The following CNTNAP2 variants were observed in gnomAD, a reference collection of about 807,000 sequenced individuals.
The protein encoded by CNTNAP2 is contactin associated protein 2.
A neutral mutation model predicts 155.2 loss-of-function variants in CNTNAP2; 98 were observed. The observed-to-expected ratio is 0.63, with a 90% confidence interval of 0.54 to 0.75. The LOEUF is 0.75. Ranked by LOEUF, CNTNAP2 falls within the 30% of genes least tolerant of loss-of-function variation. The pLI, the probability that CNTNAP2 is intolerant of heterozygous loss-of-function variation, is 0.00. For synonymous variants in CNTNAP2, 651 were observed against 631.2 expected (o/e 1.03, Z -0.47); for missense variants, 1,727 against 1,688.1 (o/e 1.02, Z -0.40).
At chr7:148,395,696 A>G (rs1799451705) in intron 22 of CNTNAP2, among the ~76,000 whole-genome samples, 1 of 152,136 alleles carries the variant, frequency 6.6e-6, no homozygotes, top group Non-Finnish European at 1.5e-5. Context: ...CTCACAGGCC[A>G]TCCTCTGTGT....
chr7:147,005,634 G>T (rs1387263941), intron 3 of CNTNAP2, among the ~76,000 whole-genome samples: 1 of 151,994 alleles, frequency 6.6e-6, no homozygotes, highest in Non-Finnish European at 1.5e-5. Flanking sequence ...AGGTGACCAA[G>T]AAAAGTATGG....
chr7:146,398,735 C>G (rs942486914), intron 1 of CNTNAP2, among the ~76,000 whole-genome samples: 1 of 151,952 alleles, frequency 6.6e-6, no homozygotes, highest in Non-Finnish European at 1.5e-5. Flanking sequence ...AGTTAGGTCT[C>G]TCTGTGAAAA....
chr7:147,541,467 G>A (rs1014347824), intron 11 of CNTNAP2, among the ~76,000 whole-genome samples: 9 of 152,132 alleles, frequency 5.9e-5, no homozygotes, highest in South Asian at 2.1e-4. Flanking sequence ...TGTTGTTGTC[G>A]TAATATAAGT....
chr7:148,027,319 G>A (rs934039950), intron 15 of CNTNAP2, among the ~76,000 whole-genome samples: 5 of 152,172 alleles, frequency 3.3e-5, no homozygotes, highest in African/African-American at 1.2e-4. Flanking sequence ...TTAGCCAATA[G>A]AATCTATGTA....
chr7:146,782,063 G>T (rs1010408269), intron 2 of CNTNAP2: 1 of 152,126 alleles, frequency 6.6e-6, no homozygotes, highest in Admixed American at 6.5e-5. Flanking sequence ...TAACATCAAG[G>T]CTTAAATTAT....
chr7:148,265,102 CAA>C (rs1301042497), intron 20 of CNTNAP2, among the ~76,000 whole-genome samples: 2 of 152,246 alleles, frequency 1.3e-5, no homozygotes, highest in South Asian at 2.1e-4. Context: ...AACCATTTAA[CAA>C]AAGAGAGTAA....
intron 1 of CNTNAP2, among the ~76,000 whole-genome samples, chr7:146,658,910 G>A (rs888992898): frequency 6.6e-6 from 1 of 152,126 alleles, no homozygotes; most frequent in Non-Finnish European, 1.5e-5. Context: ...AGATTAGAAG[G>A]TGCTGTAGTT....
chr7:147,307,348 G>T (rs62485036), intron 9 of CNTNAP2, among the ~76,000 whole-genome samples: 1 of 152,212 alleles, frequency 6.6e-6, no homozygotes, highest in Admixed American at 6.5e-5. Flanking sequence ...ACTTTGGGAG[G>T]CCGAGGCGGG....
rs1229647764 is a variant in CNTNAP2 at position 148,356,717 on chromosome 7, A to C, written c.3476-26932A>C. ...AGGTTTTAGAAGTATGCTCATTTAT[A>C]AAGTCTCTCCTGAGTCCTCACCTTT... On this transcript the variant is annotated intron_variant, in intron 21 of 23. Transcript: ENST00000361727. Among the ~76,000 whole-genome samples the C allele has an allele frequency of 2.6e-5, 4 of 152,116 alleles. No homozygotes were observed. In the East Asian group the frequency reaches 7.7e-4, roughly 29 times the overall value.
intron 9 of CNTNAP2, among the ~76,000 whole-genome samples, chr7:147,324,970 G>T (rs898603912): frequency 2.0e-5 from 3 of 152,124 alleles, no homozygotes; most frequent in African/African-American, 7.2e-5. Context: ...GGCAGCCTCT[G>T]ACTTTTTAAA....
intron 13 of CNTNAP2, among the ~76,000 whole-genome samples, chr7:147,687,698 C>A (rs749360304): frequency 6.6e-6 from 1 of 151,940 alleles, no homozygotes; most frequent in Non-Finnish European, 1.5e-5. Context: ...AACAGAGTAG[C>A]AAACACAAGT....
chr7:146,851,141 C>T (rs921388600), intron 3 of CNTNAP2, among the ~76,000 whole-genome samples: 2 of 152,240 alleles, frequency 1.3e-5, no homozygotes, highest in Middle Eastern at 3.4e-3. Context: ...CCTGCCACCA[C>T]ACCCGGCTAA....
intron 15 of CNTNAP2, among the ~76,000 whole-genome samples, chr7:148,075,189 C>A (rs544296017): frequency 6.6e-6 from 1 of 152,164 alleles, no homozygotes; most frequent in African/African-American, 2.4e-5. Context: ...GTCATCCCAG[C>A]ACTTTGGGAG....
At chr7:146,567,766 G>C (rs912135813) in intron 1 of CNTNAP2, among the ~76,000 whole-genome samples, 3 of 152,010 alleles carry the variant, frequency 2.0e-5, no homozygotes, top group Admixed American at 6.6e-5. Context: ...AGTCTCCCAG[G>C]CTGGAGTGCA....
chr7:146,227,760 C>T (rs1342091300), intron 1 of CNTNAP2, among the ~76,000 whole-genome samples: 8 of 152,010 alleles, frequency 5.3e-5, no homozygotes, highest in Admixed American at 5.2e-4. Context: ...AGGCAGGCAT[C>T]CATGATAATT....
At chr7:147,389,597 G>C (rs1796675705) in intron 9 of CNTNAP2, among the ~76,000 whole-genome samples, 1 of 152,130 alleles carries the variant, frequency 6.6e-6, no homozygotes, top group Admixed American at 6.5e-5. Context: ...TTCAAATCAA[G>C]TATGAAGTTT....
chr7:148,210,151 G>T (rs910393870), intron 18 of CNTNAP2, among the ~76,000 whole-genome samples: 2 of 152,202 alleles, frequency 1.3e-5, no homozygotes, highest in African/African-American at 4.8e-5. Context: ...AGATGAGAAT[G>T]ATTTAAAGCC....
At chr7:146,200,131 G>C (rs1450895166) in intron 1 of CNTNAP2, among the ~76,000 whole-genome samples, 2 of 152,124 alleles carry the variant, frequency 1.3e-5, no homozygotes, top group East Asian at 3.9e-4. Flanking sequence ...CTGAAATATA[G>C]GTAGAGCCAG....
At chr7:148,017,201 G>A (rs551669714) in intron 15 of CNTNAP2, among the ~76,000 whole-genome samples, 4 of 152,254 alleles carry the variant, frequency 2.6e-5, no homozygotes, top group South Asian at 2.1e-4. Flanking sequence ...AGGGAAATGG[G>A]CATTTTCCCT....
Sources: allele counts gnomAD v4.1 joint callset (sites outside exome capture counted in the v4.1 genomes callset), GRCh38; gene constraint gnomAD v4.1.1; transcripts MANE v1.5; gene names NCBI Gene and HGNC (gene_info 2026-07-23, HGNC 2026-07-21).